The following RBFOX1 variants were observed in gnomAD, a reference collection of about 807,000 sequenced individuals.
The protein encoded by RBFOX1 is RNA binding protein fox-1 homolog 1.
RBFOX1 carries 8 observed loss-of-function variants against 57.7 expected under a neutral mutation model. That is an observed-to-expected ratio of 0.14 (90% CI 0.08 to 0.25). The LOEUF (loss-of-function observed/expected upper bound fraction) is 0.25, where lower values mean the gene tolerates loss of function less well. Ranked by LOEUF, RBFOX1 falls within the 10% of genes least tolerant of loss-of-function variation. The pLI, the probability that RBFOX1 is intolerant of heterozygous loss-of-function variation, is 1.00. For missense variants in RBFOX1, 611 were observed against 548.5 expected (o/e 1.11, Z -1.14); for synonymous variants, 326 against 222.4 (o/e 1.47, Z -4.15).
chr16:7,182,633 C>A (rs1354424049), intron 4 of RBFOX1, among the ~76,000 whole-genome samples: 2 of 152,182 alleles, frequency 1.3e-5, no homozygotes, highest in Non-Finnish European at 1.5e-5. Context: ...TTAAAATATT[C>A]CATAGATTCC....
chr16:6,101,447 G>A (rs1343047726), intron 1 of RBFOX1, among the ~76,000 whole-genome samples: 1 of 151,972 alleles, frequency 6.6e-6, no homozygotes, highest in Non-Finnish European at 1.5e-5. Context: ...GGGTGTGATG[G>A]TTTTGTATCT....
intron 3 of RBFOX1, among the ~76,000 whole-genome samples, chr16:5,721,953 C>T (rs752489777): frequency 6.6e-6 from 1 of 152,172 alleles, no homozygotes; most frequent in Non-Finnish European, 1.5e-5. Context: ...AGAAAGCTAC[C>T]TGGAAGGTCT....
At chr16:5,571,462 G>T (rs1443254751) in intron 2 of RBFOX1, among the ~76,000 whole-genome samples, 4 of 151,908 alleles carry the variant, frequency 2.6e-5, no homozygotes, top group African/African-American at 9.7e-5. Flanking sequence ...TGATCTGCCC[G>T]CCTGGACCTC....
At chr16:5,645,536 A>C (rs1269315188) in intron 3 of RBFOX1, among the ~76,000 whole-genome samples, 1 of 152,178 alleles carries the variant, frequency 6.6e-6, no homozygotes, top group African/African-American at 2.4e-5. Context: ...AAAGTGCTTA[A>C]TTTTCTATTT....
intron 3 of RBFOX1, among the ~76,000 whole-genome samples, chr16:6,839,299 T>G (rs1177228366): frequency 6.6e-6 from 1 of 152,110 alleles, no homozygotes; most frequent in South Asian, 2.1e-4. Flanking sequence ...ATTTTCAACA[T>G]AGCTGCCTCA....
At chr16:6,407,416 T>A (rs2093320067) in intron 2 of RBFOX1, among the ~76,000 whole-genome samples, 2 of 152,168 alleles carry the variant, frequency 1.3e-5, no homozygotes, top group African/African-American at 4.8e-5. Context: ...TGTGTGTATC[T>A]ATGCTTATAT....
At chr16:5,648,116 T>C (rs2049109361) in intron 3 of RBFOX1, among the ~76,000 whole-genome samples, 1 of 152,182 alleles carries the variant, frequency 6.6e-6, no homozygotes, top group Admixed American at 6.5e-5. Context: ...TGCCTCTACC[T>C]CCCAGAGTGC....
At chr16:6,094,616 G>C (rs139352354) in intron 1 of RBFOX1, among the ~76,000 whole-genome samples, 364 of 152,308 alleles carry the variant, frequency 2.4e-3, no homozygotes, top group African/African-American at 8.5e-3. Context: ...CTGGAATTCA[G>C]CTCCTTCTAG....
intron 3 of RBFOX1, among the ~76,000 whole-genome samples, chr16:7,019,371 A>G (rs1328140008): frequency 6.6e-6 from 1 of 152,038 alleles, no homozygotes; most frequent in African/African-American, 2.4e-5. Context: ...GCTGAGATTC[A>G]TGGACTTCAT....
chr16:6,954,752 G>T (rs986983735), intron 3 of RBFOX1, among the ~76,000 whole-genome samples: 4 of 152,118 alleles, frequency 2.6e-5, no homozygotes, highest in African/African-American at 7.2e-5. Context: ...ATGCCCTCCA[G>T]AGGATCTTAA....
At chr16:6,065,172 T>C (rs1596898826) in intron 1 of RBFOX1, among the ~76,000 whole-genome samples, 1 of 150,910 alleles carries the variant, frequency 6.6e-6, no homozygotes. Flanking sequence ...AGACTACAGG[T>C]GTGTGCCACC....
intron 1 of RBFOX1, among the ~76,000 whole-genome samples, chr16:6,234,037 T>C (rs528776179): frequency 2.0e-5 from 3 of 152,254 alleles, no homozygotes; most frequent in Non-Finnish European, 4.4e-5. Flanking sequence ...GAATGCCGTG[T>C]CCTCACATGG....
At chr16:7,084,387 C>T (rs994737150) in intron 4 of RBFOX1, among the ~76,000 whole-genome samples, 2 of 152,026 alleles carry the variant, frequency 1.3e-5, no homozygotes, top group Non-Finnish European at 2.9e-5. Context: ...AATATTTGAA[C>T]AAATAATCTT....
intron 2 of RBFOX1, among the ~76,000 whole-genome samples, chr16:6,646,747 T>G (rs2098537879): frequency 6.6e-6 from 1 of 152,158 alleles, no homozygotes; most frequent in African/African-American, 2.4e-5. Context: ...TTTTCATCAC[T>G]CCCATATTGA....
intron 2 of RBFOX1, among the ~76,000 whole-genome samples, chr16:5,558,885 T>G (rs1277615891): frequency 1.3e-5 from 2 of 152,110 alleles, no homozygotes; most frequent in African/African-American, 4.8e-5. Flanking sequence ...CCTGGAGAAC[T>G]TGTTAAAATG....
intron 1 of RBFOX1, among the ~76,000 whole-genome samples, chr16:6,048,251 T>C (rs1341914144): frequency 6.6e-6 from 1 of 152,224 alleles, no homozygotes; most frequent in East Asian, 1.9e-4. Flanking sequence ...GGCTGAGCGA[T>C]AGGATTTGAG....
intron 2 of RBFOX1, among the ~76,000 whole-genome samples, chr16:6,399,925 G>A (rs952343114): frequency 1.6e-4 from 24 of 152,236 alleles, no homozygotes; most frequent in South Asian, 8.3e-4. Flanking sequence ...CCCAGATCTC[G>A]TGAGAACTCA....
At chr16:6,981,924 G>T (rs573953422) in intron 3 of RBFOX1, among the ~76,000 whole-genome samples, 13 of 152,184 alleles carry the variant, frequency 8.5e-5, no homozygotes, top group Non-Finnish European at 1.5e-4. Flanking sequence ...GTATACGCAT[G>T]CATGGGTCTT....
intron 2 of RBFOX1, among the ~76,000 whole-genome samples, chr16:6,601,989 T>A (rs1264248320): frequency 2.0e-5 from 3 of 152,074 alleles, no homozygotes; most frequent in African/African-American, 7.2e-5. Flanking sequence ...TCTTGTCAGG[T>A]AGGACAGGGG....
Sources: allele counts gnomAD v4.1 joint callset (sites outside exome capture counted in the v4.1 genomes callset), GRCh38; gene constraint gnomAD v4.1.1; transcripts MANE v1.5; gene names NCBI Gene and HGNC (gene_info 2026-07-23, HGNC 2026-07-21).